The following SCAF8 variants were observed in gnomAD, a reference collection of about 807,000 sequenced individuals.
SCAF8 encodes the protein SR-related and CTD-associated factor 8.
A neutral mutation model predicts 140.5 loss-of-function variants in SCAF8; 23 were observed. That is an observed-to-expected ratio of 0.16 (90% CI 0.12 to 0.23). The LOEUF (loss-of-function observed/expected upper bound fraction) is 0.23, where lower values mean the gene tolerates loss of function less well. Ranked by LOEUF, SCAF8 falls within the 10% of genes least tolerant of loss-of-function variation. The pLI, the probability that SCAF8 is intolerant of heterozygous loss-of-function variation, is 1.00. For synonymous variants in SCAF8, 575 were observed against 528.9 expected, an observed-to-expected ratio of 1.09 and a Z score of -1.20; for missense variants, 1,397 against 1,555.7, an observed-to-expected ratio of 0.90 and a Z score of 1.72.
chr6:154,770,822 G>A (rs879459781), intron 1 of SCAF8, among the ~76,000 whole-genome samples: 4 of 152,090 alleles, frequency 2.6e-5, no homozygotes, highest in African/African-American at 4.8e-5. Flanking sequence ...TAGGCCCACC[G>A]CAACCTCCAT....
rs74679123 is a variant in SCAF8, at chr6:154,787,005, A to T, written c.160-856A>T. Among the ~76,000 whole-genome samples, 1,476 of 152,362 alleles carry T rather than the reference A, an allele frequency of 9.7e-3. 29 individuals carry two copies. Among genetic ancestry groups the T allele is most frequent in the African/African-American group, 0.034 (1,399 of 41,576 alleles). On this transcript the variant is annotated intron_variant, in intron 3 of 19. Transcript: ENST00000367178. ...GATACTGTGCAGTAAGCTTGCAAGTAAAAGGATTCTTCATTGTGCTTCCCT... is the reference window on the plus strand; with the variant it reads ...GATACTGTGCAGTAAGCTTGCAAGTTAAAGGATTCTTCATTGTGCTTCCCT...
At chr6:154,741,825 C>T in intron 1 of SCAF8, 1 of 607,394 alleles carries the variant, frequency 1.6e-6, no homozygotes, top group Admixed American at 2.6e-5. Context: ...TGGACAACTT[C>T]TAACTCATAA....
At chr6:154,806,653 T>C (rs374375461) in intron 9 of SCAF8, among the ~76,000 whole-genome samples, 39 of 152,272 alleles carry the variant, frequency 2.6e-4, no homozygotes, top group African/African-American at 9.1e-4. Flanking sequence ...ACTTGAGACA[T>C]TGGGGTCTGA....
intron 1 of SCAF8, among the ~76,000 whole-genome samples, chr6:154,769,508 G>C (rs998206891): frequency 6.6e-6 from 1 of 152,210 alleles, no homozygotes; most frequent in Non-Finnish European, 1.5e-5. Context: ...AATATGATTT[G>C]ATTGGTCCTT....
At chr6:154,763,399 G>T (rs1776461837) in intron 1 of SCAF8, among the ~76,000 whole-genome samples, 1 of 152,138 alleles carries the variant, frequency 6.6e-6, no homozygotes, top group Non-Finnish European at 1.5e-5. Flanking sequence ...AAGATGGACT[G>T]GGTTGATTAC....
chr6:154,786,232 A>T (rs1228707658), intron 3 of SCAF8, among the ~76,000 whole-genome samples: 1 of 152,212 alleles, frequency 6.6e-6, no homozygotes, highest in Non-Finnish European at 1.5e-5. Context: ...AGATGGAATC[A>T]TAGGGAGGTC....
intron 1 of SCAF8, among the ~76,000 whole-genome samples, chr6:154,772,868 T>C (rs1161677536): frequency 6.6e-6 from 1 of 152,004 alleles, no homozygotes; most frequent in Non-Finnish European, 1.5e-5. Context: ...CAAGCAGTTC[T>C]CCTGCCTCAG....
chr6:154,805,393 C>T lies in SCAF8; in HGVS notation c.888C>T (p.Asn296=). Residue 296 remains asparagine (N), a synonymous_variant, in exon 9 of 20, where the codon AAC becomes AAT. Transcript: ENST00000367178. ...GTTCTCACGTTTCAGAATCTGTGAACAATTCCATTTTTCATCAGATAGCAG... is the reference window on the plus strand; with the variant it reads ...GTTCTCACGTTTCAGAATCTGTGAATAATTCCATTTTTCATCAGATAGCAG... ...SQLSHVSESV[N]NSIFHQIAEQ... is the part of the protein sequence containing the mutation. 1 of 1,609,056 alleles carries T rather than the reference C, an allele frequency of 6.2e-7. No individual in the cohort carries two copies. Among genetic ancestry groups the T allele is most frequent in the South Asian group, 1.1e-5 (1 of 90,744 alleles).
chr6:154,815,275 C>G lies in SCAF8; in HGVS notation c.1421-441C>G, dbSNP rs997653665. Reference sequence around the variant, plus strand: ...TTGTGCCACTGCACTCCAGCCTGGGCGACAGAGTGAGACTCCGTCTCAAAA... The same window carrying G: ...TTGTGCCACTGCACTCCAGCCTGGGGGACAGAGTGAGACTCCGTCTCAAAA... On this transcript the variant is annotated intron_variant, in intron 12 of 19. Coordinates refer to ENST00000367178, the MANE Select transcript of SCAF8 (RefSeq NM_014892.5). Among the ~76,000 whole-genome samples the G allele has an allele frequency of 2.6e-5, 4 of 151,612 alleles. No individual in the cohort carries two copies. In the South Asian group the frequency reaches 8.3e-4, roughly 32 times the overall value.
rs536310942 is a variant in SCAF8 at position 154,755,473 on chromosome 6, A to G, written c.31-18516A>G. Among the ~76,000 whole-genome samples the G allele has an allele frequency of 7.2e-5, 11 of 151,860 alleles. 1 individual carries two copies. The highest frequency in any genetic ancestry group is 2.7e-4 in the African/African-American group (11 of 41,400). ...TTTGTCATGTCCAGTCTGGTCTCGA[A>G]CTCCTGACCTCAAGTGACCCTCCCG... On this transcript the variant is annotated intron_variant, in intron 1 of 19. Transcript: ENST00000367178.
intron 1 of SCAF8, among the ~76,000 whole-genome samples, chr6:154,765,895 A>C (rs1047439939): frequency 6.6e-6 from 1 of 152,186 alleles, no homozygotes; most frequent in African/African-American, 2.4e-5. Flanking sequence ...CTGACCCATG[A>C]ACAATGGGAG....
intron 9 of SCAF8, among the ~76,000 whole-genome samples, chr6:154,805,753 T>C (rs979120264): frequency 5.9e-5 from 9 of 152,108 alleles, no homozygotes; most frequent in African/African-American, 2.2e-4. Flanking sequence ...ATGCACATTG[T>C]AGAAATTAAT....
chr6:154,793,819 A>G (rs1233437764), intron 5 of SCAF8, among the ~76,000 whole-genome samples: 1 of 149,744 alleles, frequency 6.7e-6, no homozygotes, highest in Non-Finnish European at 1.5e-5. Context: ...CTGTCTCAAA[A>G]AAAAAAAAAA....
chr6:154,798,964 A>C (rs1057116395), intron 6 of SCAF8, among the ~76,000 whole-genome samples: 4 of 150,306 alleles, frequency 2.7e-5, no homozygotes, highest in African/African-American at 9.7e-5. Flanking sequence ...ATGCCTGGTT[A>C]ATTTTTTATT....
At chr6:154,784,501 G>A (rs894144183) in intron 3 of SCAF8, among the ~76,000 whole-genome samples, 3 of 152,028 alleles carry the variant, frequency 2.0e-5, no homozygotes, top group Admixed American at 1.3e-4. Context: ...TCACTCTTCC[G>A]TTTCTGTGGG....
At chr6:154,745,622 C>T (rs1250637940) in intron 1 of SCAF8, among the ~76,000 whole-genome samples, 1 of 152,092 alleles carries the variant, frequency 6.6e-6, no homozygotes, top group Non-Finnish European at 1.5e-5. Context: ...GGTTTCCCTA[C>T]TGTGTAGTTA....
intron 17 of SCAF8, among the ~76,000 whole-genome samples, chr6:154,826,372 A>G (rs866903376): frequency 2.0e-5 from 3 of 152,102 alleles, no homozygotes; most frequent in Admixed American, 6.6e-5. Flanking sequence ...AAATGTACAA[A>G]AGGTATATTT....
intron 18 of SCAF8, among the ~76,000 whole-genome samples, chr6:154,828,436 T>A (rs984579390): frequency 1.3e-5 from 2 of 152,116 alleles, no homozygotes; most frequent in Non-Finnish European, 2.9e-5. Flanking sequence ...TTCTCCTCCC[T>A]TGTCCCTCTC....
intron 1 of SCAF8, among the ~76,000 whole-genome samples, chr6:154,770,583 A>G (rs77159176): frequency 7.0e-6 from 1 of 143,480 alleles, no homozygotes; most frequent in Non-Finnish European, 1.6e-5. Flanking sequence ...GAAGAAGGAG[A>G]AAAAAAAAAA....
Sources: allele counts gnomAD v4.1 joint callset (sites outside exome capture counted in the v4.1 genomes callset), GRCh38; gene constraint gnomAD v4.1.1; transcripts MANE v1.5; gene names NCBI Gene and HGNC (gene_info 2026-07-23, HGNC 2026-07-21).